The following SYNE2 variants were observed in gnomAD, a reference collection of about 807,000 sequenced individuals.
SYNE2 encodes nesprin-2.
SYNE2 carries 431 observed loss-of-function variants against 856.3 expected under a neutral mutation model. The ratio of observed to expected loss-of-function variants is 0.50; its 90% CI spans 0.47 to 0.55. The LOEUF (loss-of-function observed/expected upper bound fraction) is 0.55. Among genes scored for constraint, SYNE2 ranks in the 20% least tolerant of loss-of-function variants. SYNE2 has a pLI of 0.00. For synonymous variants in SYNE2, 2,923 were observed against 2,872.3 expected, an observed-to-expected ratio of 1.02 and a Z score of -0.56; for missense variants, 8,129 against 8,023.2, an observed-to-expected ratio of 1.01 and a Z score of -0.50.
At chr14:63,832,622 A>G (rs1889710663) in intron 1 of SYNE2, among the ~76,000 whole-genome samples, 1 of 152,084 alleles carries the variant, frequency 6.6e-6, no homozygotes, top group Non-Finnish European at 1.5e-5. Flanking sequence ...TCTCTGTTTT[A>G]CAGTGTTTAT....
At chr14:64,114,131 C>G (rs949873038) in intron 66 of SYNE2, among the ~76,000 whole-genome samples, 22 of 152,108 alleles carry the variant, frequency 1.4e-4, no homozygotes, top group Admixed American at 6.6e-4. Flanking sequence ...AAGGGCTTTG[C>G]AACCATTTTA....
chr14:64,141,549 G>T, intron 81 of SYNE2, 26 bp downstream of exon 81: 1 of 1,607,556 alleles, frequency 6.2e-7, no homozygotes, highest in South Asian at 1.1e-5. Context: ...CTCAGCATTT[G>T]AATTAGCATT....
chr14:63,990,703 ATTTC>A (rs1377335944), intron 20 of SYNE2, 134 bp downstream of exon 20: 1 of 868,534 alleles, frequency 1.2e-6, no homozygotes, highest in Non-Finnish European at 1.8e-6. Flanking sequence ...ATTATGTTTT[ATTTC>A]TTTATAATTT....
At chr14:63,897,216 G>A (rs113958903) in intron 1 of SYNE2, among the ~76,000 whole-genome samples, 4,838 of 152,142 alleles carry the variant, frequency 0.032, 273 homozygotes, top group African/African-American at 0.11. Flanking sequence ...TTGTGCCACT[G>A]CACTCCAGCC....
chr14:64,141,283 C>A, intron 80 of SYNE2, 58 bp from the exon 81 acceptor site: 1 of 1,423,622 alleles, frequency 7.0e-7, no homozygotes, highest in Non-Finnish European at 9.8e-7. Context: ...GTTATTCCGA[C>A]TCTTACTTTC....
At chr14:63,904,879 C>T (rs902332432) in intron 1 of SYNE2, among the ~76,000 whole-genome samples, 11 of 152,060 alleles carry the variant, frequency 7.2e-5, no homozygotes, top group Non-Finnish European at 1.5e-4. Context: ...AGTTCTTTGT[C>T]ACGGCTTATG....
chr14:64,052,660 A>C lies in SYNE2; in HGVS notation c.8747A>C (p.Gln2916Pro), dbSNP rs1240698721. 6.2e-7 allele frequency: 1 copy of C among 1,613,992 alleles called. No individual in the cohort carries two copies. Among genetic ancestry groups the C allele is most frequent in the East Asian group, 2.2e-5 (1 of 44,882 alleles). Residue 2916 changes from glutamine to proline, a missense_variant, in exon 48 of 116, where the codon CAG (glutamine) becomes CCG (proline). Gln to Pro is a moderately conservative substitution (Grantham distance 76, BLOSUM62 -1). Around this residue, in one of 3 missense-constraint regions of SYNE2, gnomAD observed 5,410 missense variants for 5,284.8 expected, o/e 1.02. Coordinates refer to ENST00000555002, the MANE Select transcript of SYNE2 (RefSeq NM_182914.3). The part of the protein sequence containing the change: ...NVFERLFLED[Q>P]LKNLKIRTNR... ...TTTGAAAGATTATTTCTGGAAGATCAGTTGAAAAATCTTAAGATTAGGACC... is the reference window on the plus strand; with the variant it reads ...TTTGAAAGATTATTTCTGGAAGATCCGTTGAAAAATCTTAAGATTAGGACC...
At chr14:63,977,859 T>C (rs376233936) in intron 12 of SYNE2, 46 bp from the exon 13 acceptor site, 3 of 1,272,490 alleles carry the variant, frequency 2.4e-6, no homozygotes, top group Non-Finnish European at 3.5e-6. Context: ...TTAATTACAG[T>C]GTTTGGCAAT....
intron 1 of SYNE2, among the ~76,000 whole-genome samples, chr14:63,779,365 GT>G (rs1185129090): frequency 6.0e-5 from 7 of 115,946 alleles, no homozygotes; most frequent in Admixed American, 3.7e-4. Context: ...AATAAAATCA[GT>G]AATCTAAATT....
chr14:64,215,966 C>T (rs1032503033), intron 107 of SYNE2: 2 of 1,366,132 alleles, frequency 1.5e-6, no homozygotes, highest in African/African-American at 1.5e-5. Flanking sequence ...GGCCTTGCCA[C>T]TCAGTGTCCC....
intron 20 of SYNE2, 75 bp downstream of exon 20, chr14:63,990,644 G>T: frequency 7.8e-7 from 1 of 1,281,938 alleles, no homozygotes; most frequent in Non-Finnish European, 1.1e-6. Flanking sequence ...CAGTGAAGGG[G>T]GGTGATAGCC....
chr14:64,067,590 C>T (rs1172834639), intron 51 of SYNE2, among the ~76,000 whole-genome samples: 1 of 152,132 alleles, frequency 6.6e-6, no homozygotes, highest in Non-Finnish European at 1.5e-5. Context: ...CTGCTTTAAA[C>T]CTGTCATCTA....
At chr14:64,078,218 T>C (rs1464740223) in intron 54 of SYNE2, among the ~76,000 whole-genome samples, 1 of 152,204 alleles carries the variant, frequency 6.6e-6, no homozygotes, top group Non-Finnish European at 1.5e-5. Context: ...ATACATGTAT[T>C]ACAGTACAAA....
intron 94 of SYNE2, among the ~76,000 whole-genome samples, chr14:64,172,873 T>A (rs2098417437): frequency 6.6e-6 from 1 of 150,830 alleles, no homozygotes; most frequent in African/African-American, 2.5e-5. Flanking sequence ...AGGTTGAGGC[T>A]GCAACGAGCC....
chr14:63,828,921 A>C (rs1889563801), intron 1 of SYNE2, among the ~76,000 whole-genome samples: 2 of 152,168 alleles, frequency 1.3e-5, no homozygotes, highest in African/African-American at 4.8e-5. Flanking sequence ...ATAAATACAA[A>C]AAAAGATGTT....
chr14:63,790,367 AAAG>A (rs1045538074), intron 1 of SYNE2, among the ~76,000 whole-genome samples: 1 of 151,966 alleles, frequency 6.6e-6, no homozygotes, highest in African/African-American at 2.4e-5. Flanking sequence ...AGAAGAAAAG[AAAG>A]AAGGAAGGAA....
chr14:63,837,032 T>C (rs1406592188), intron 1 of SYNE2, among the ~76,000 whole-genome samples: 1 of 152,218 alleles, frequency 6.6e-6, no homozygotes, highest in Non-Finnish European at 1.5e-5. Flanking sequence ...TAATTTGTGT[T>C]ACTATTATAA....
In SYNE2 at chr14:64,002,852, C is replaced by T; in HGVS notation, c.3919C>T (p.Gln1307Ter). The change falls in exon 30 of 116, where the codon CAA becomes TAA. Residue 1307 changes from glutamine to a stop codon, truncating the protein, a stop_gained. Transcript: ENST00000555002. LOFTEE classifies it high-confidence loss of function. ...MQNIILKYKT[Q>*]FEGMNHRVQR... ...GAATATTATACTGAAATACAAAACA[C>T]AATTTGAAGGAATGAACCACAGGGT... 1 of 1,614,124 alleles carries T rather than the reference C, an allele frequency of 6.2e-7. No individual in the cohort carries two copies. The highest frequency in any genetic ancestry group is 1.1e-5 in the South Asian group (1 of 91,078).
At chr14:64,007,734 G>A (rs776785438) in intron 31 of SYNE2, among the ~76,000 whole-genome samples, 2 of 151,714 alleles carry the variant, frequency 1.3e-5, no homozygotes, top group Non-Finnish European at 1.5e-5. Flanking sequence ...AAAATTGGCC[G>A]GACACAGTTC....
Sources: gnomAD v4.1 joint callset for allele counts (sites outside exome capture counted in the v4.1 genomes callset) on GRCh38, gnomAD v4.1.1 for gene constraint, gnomAD v4.1.1 regional missense constraint, MANE v1.5 for transcripts, NCBI Gene and HGNC (gene_info 2026-07-23, HGNC 2026-07-21) for gene names.